The following SPAG16 variants were observed in gnomAD, a reference collection of about 807,000 sequenced individuals.
SPAG16 encodes the protein sperm associated antigen 16, also known as sperm-associated antigen 16 protein.
In SPAG16, 86 loss-of-function variants were observed where a neutral mutation model predicts 80.4. The observed-to-expected ratio is 1.07, with a 90% CI of 0.90 to 1.28. The LOEUF is 1.28. SPAG16 is among the 50% of genes most tolerant of loss of function. The probability of loss-of-function intolerance (pLI) is 0.00; values close to 1 mark genes in which losing one functional copy is unlikely to be tolerated. For missense variants in SPAG16, 870 were observed against 765.3 expected (o/e 1.14, Z -1.61); for synonymous variants, 294 against 265.9 (o/e 1.11, Z -1.03).
At position 213,426,836 on chromosome 2, in the gene SPAG16, TACACAC is replaced by T. The variant is rs199604984; in HGVS notation, c.942+51759_942+51764del. On this transcript the variant is annotated intron_variant, in intron 9 of 15. Transcript: ENST00000331683. ...TTTTTCAAAAGATTATTCTGATACA[TACACAC>T]ACACACACACACACACACACACACA... Among the ~76,000 whole-genome samples, 795 of 125,870 alleles carry T rather than the reference TACACAC, an allele frequency of 6.3e-3. 6 individuals carry two copies. Among genetic ancestry groups the T allele is most frequent in the South Asian group, 0.023 (77 of 3,384 alleles). The allele number at this position is 125,870 out of a possible 152,430, so 82.6% of individuals were successfully genotyped here.
At chr2:213,826,397 A>G (rs1331404538) in intron 10 of SPAG16, among the ~76,000 whole-genome samples, 1 of 151,918 alleles carries the variant, frequency 6.6e-6, no homozygotes, top group Non-Finnish European at 1.5e-5. Context: ...CTTTCCTCTT[A>G]GTACTGTTTT....
intron 12 of SPAG16, among the ~76,000 whole-genome samples, chr2:213,982,098 ATGT>A (rs778664816): frequency 2.0e-5 from 3 of 150,222 alleles, no homozygotes; most frequent in African/African-American, 5.0e-5. Flanking sequence ...ATATAAAATG[ATGT>A]TGTTATAATA....
chr2:213,611,474 T>A (rs2061437533), intron 10 of SPAG16, among the ~76,000 whole-genome samples: 1 of 152,238 alleles, frequency 6.6e-6, no homozygotes, highest in Non-Finnish European at 1.5e-5. Context: ...TAAATCTTGG[T>A]AAGCTATATT....
intron 10 of SPAG16, among the ~76,000 whole-genome samples, chr2:213,818,157 A>T (rs901980002): frequency 6.6e-6 from 1 of 152,112 alleles, no homozygotes; most frequent in Non-Finnish European, 1.5e-5. Flanking sequence ...TAGGAATCTC[A>T]TCAAATTAGC....
chr2:213,759,756 G>T (rs550232560), intron 10 of SPAG16, among the ~76,000 whole-genome samples: 9 of 152,248 alleles, frequency 5.9e-5, no homozygotes, highest in African/African-American at 1.4e-4. Context: ...TCAAATAGTG[G>T]CTGGGCGCAG....
intron 7 of SPAG16, among the ~76,000 whole-genome samples, chr2:213,354,627 C>G (rs1244022638): frequency 6.6e-6 from 1 of 152,198 alleles, no homozygotes; most frequent in Non-Finnish European, 1.5e-5. Flanking sequence ...TTGCATTTCT[C>G]TGATGACCAA....
intron 10 of SPAG16, among the ~76,000 whole-genome samples, chr2:213,590,587 G>A (rs533732052): frequency 6.6e-6 from 1 of 152,238 alleles, no homozygotes; most frequent in Non-Finnish European, 1.5e-5. Context: ...ATGCTAATCA[G>A]AGTCACAATG....
In SPAG16 at chr2:214,108,183, T is replaced by C; in HGVS notation, c.1528-13T>C. 1 of 1,530,154 alleles carries C rather than the reference T, an allele frequency of 6.5e-7. No homozygotes were observed. Among genetic ancestry groups the C allele is most frequent in the Non-Finnish European group, 8.9e-7 (1 of 1,126,828 alleles). 94.8% of individuals were successfully genotyped at this position (1,530,154 alleles called of 1,614,324 possible). ...GAAATTTATTTGACTCTGTTTCTGCTTTGTCTTCCTAGGGTATATGTGAGC... is the reference window on the plus strand; with the variant it reads ...GAAATTTATTTGACTCTGTTTCTGCCTTGTCTTCCTAGGGTATATGTGAGC... On this transcript the variant is annotated splice_polypyrimidine_tract_variant and intron_variant, in intron 13 of 15. Transcript: ENST00000331683.
intron 2 of SPAG16, chr2:213,296,890 G>T: frequency 6.0e-6 from 2 of 334,782 alleles, no homozygotes; most frequent in Non-Finnish European, 1.1e-5. Flanking sequence ...TTTAATAAAC[G>T]AGAGATTTTC....
At chr2:213,929,000 CTTTTTTTTTTTTTT>C (rs59993057) in intron 11 of SPAG16, among the ~76,000 whole-genome samples, 7 of 40,852 alleles carry the variant, frequency 1.7e-4, no homozygotes, top group South Asian at 1.8e-3. Flanking sequence ...CTTTTCTTTT[CTTTTTTTTTTTTTT>C]TTTTTTTTTT....
chr2:214,397,047 A>T (rs1701433590), intron 15 of SPAG16, among the ~76,000 whole-genome samples: 2 of 151,914 alleles, frequency 1.3e-5, no homozygotes, highest in South Asian at 4.1e-4. Flanking sequence ...AGCTTGCTGT[A>T]ATTGTTGATT....
At chr2:214,226,261 C>G (rs562116078) in intron 15 of SPAG16, among the ~76,000 whole-genome samples, 1 of 152,026 alleles carries the variant, frequency 6.6e-6, no homozygotes, top group African/African-American at 2.4e-5. Flanking sequence ...CCCTTGGATT[C>G]TTCTCATAGT....
At chr2:214,198,713 C>G (rs1559123261) in intron 15 of SPAG16, among the ~76,000 whole-genome samples, 1 of 152,172 alleles carries the variant, frequency 6.6e-6, no homozygotes, top group East Asian at 1.9e-4. Flanking sequence ...TACATTCCCA[C>G]CAGCAACACT....
chr2:213,709,619 A>G lies in SPAG16; in HGVS notation c.1071-152866A>G, dbSNP rs143467939. Among the ~76,000 whole-genome samples the G allele has an allele frequency of 8.6e-5, 13 of 151,980 alleles. No individual in the cohort carries two copies. The East Asian group carries it at 2.1e-3, about 25-fold the overall frequency. Reference sequence around the variant, plus strand: ...GAAAAAATAAACACTATCAAAAGCTATGTTGTGGACCTTACTCTGTTTTTT... The same window carrying G: ...GAAAAAATAAACACTATCAAAAGCTGTGTTGTGGACCTTACTCTGTTTTTT... On this transcript the variant is annotated intron_variant, in intron 10 of 15. Coordinates refer to ENST00000331683, the MANE Select transcript of SPAG16 (RefSeq NM_024532.5).
chr2:213,828,235 C>T (rs572309513), intron 10 of SPAG16, among the ~76,000 whole-genome samples: 15 of 152,170 alleles, frequency 9.9e-5, no homozygotes, highest in African/African-American at 3.4e-4. Context: ...TCTCCTCTGA[C>T]TGATGTTTTC....
intron 15 of SPAG16, among the ~76,000 whole-genome samples, chr2:214,377,159 T>A (rs2126099766): frequency 6.6e-6 from 1 of 152,258 alleles, no homozygotes; most frequent in Non-Finnish European, 1.5e-5. Flanking sequence ...ACACTAACCA[T>A]CTCCCCGTGA....
chr2:213,819,688 C>T (rs189748031), intron 10 of SPAG16, among the ~76,000 whole-genome samples: 150 of 151,914 alleles, frequency 9.9e-4, no homozygotes, highest in African/African-American at 3.2e-3. Context: ...GGGACATAGG[C>T]GTGCACCACC....
intron 10 of SPAG16, among the ~76,000 whole-genome samples, chr2:213,721,224 G>A (rs1044283206): frequency 6.6e-6 from 1 of 151,884 alleles, no homozygotes; most frequent in African/African-American, 2.4e-5. Context: ...TCAGCCTCCC[G>A]AGTAGCTGGG....
intron 15 of SPAG16, among the ~76,000 whole-genome samples, chr2:214,308,357 T>A (rs1695064838): frequency 6.6e-6 from 1 of 152,218 alleles, no homozygotes; most frequent in Non-Finnish European, 1.5e-5. Flanking sequence ...CCACTCTATG[T>A]CTTTTAATTA....
Sources: gnomAD v4.1 joint callset for allele counts (sites outside exome capture counted in the v4.1 genomes callset) on GRCh38, gnomAD v4.1.1 for gene constraint, MANE v1.5 for transcripts, NCBI Gene and HGNC (gene_info 2026-07-23, HGNC 2026-07-21) for gene names.